POLQ: variants seen among roughly 807,000 people sequenced by gnomAD.
POLQ encodes DNA polymerase theta.
POLQ carries 233 observed loss-of-function variants against 259.2 expected under a neutral mutation model. That is an observed-to-expected ratio of 0.90 (90% CI 0.81 to 1.00). POLQ has a LOEUF of 1.00. Ranked by LOEUF, POLQ falls within the 50% of genes least tolerant of loss-of-function variation. POLQ has a pLI of 0.00. For synonymous variants in POLQ, 1,025 were observed against 1,048.8 expected (o/e 0.98, Z 0.44); for missense variants, 2,871 against 3,051.6 (o/e 0.94, Z 1.39).
Position 121,539,465 on chromosome 3 carries a change from C to T in POLQ, c.599G>A (p.Arg200His), listed in dbSNP as rs747882906. The T allele has an allele frequency of 6.8e-6, 11 of 1,610,182 alleles. No homozygotes were observed. The highest frequency in any genetic ancestry group is 1.6e-4 in the Middle Eastern group (1 of 6,074). Residue 200 changes from arginine (R) to histidine (H), a missense_variant, in exon 4 of 30, where the codon CGC becomes CAC. Arg to His is a conservative substitution (Grantham distance 29). Coordinates refer to ENST00000264233, the MANE Select transcript of POLQ (RefSeq NM_199420.4). ...TIERANGLIN[R>H]LIEENKMDLL... ...ATCCATCTTATTTTCCTCTATGAGG[C>T]GATTGATCAGACCATTGGCTCTCTC...
chr3:121,477,987 T>C (rs914371876), intron 19 of POLQ, among the ~76,000 whole-genome samples: 4 of 152,220 alleles, frequency 2.6e-5, no homozygotes, highest in Non-Finnish European at 5.9e-5. Flanking sequence ...AGAGAAATAA[T>C]GAACTTGGGT....
intron 7 of POLQ, among the ~76,000 whole-genome samples, chr3:121,523,163 G>A (rs186553813): frequency 5.3e-5 from 8 of 151,874 alleles, no homozygotes; most frequent in Non-Finnish European, 7.4e-5. Context: ...CCAGACACAC[G>A]AGCCACTATG....
intron 25 of POLQ, among the ~76,000 whole-genome samples, chr3:121,453,246 C>A (rs1359030970): frequency 3.3e-5 from 5 of 152,082 alleles, no homozygotes; most frequent in Non-Finnish European, 7.4e-5. Flanking sequence ...CTGTACATCA[C>A]CATCATCAAA....
rs767422808 is a variant in POLQ at position 121,488,672 on chromosome 3, G to T, written c.4259C>A (p.Pro1420Gln). The T allele has an allele frequency of 1.1e-5, 18 of 1,612,026 alleles. No individual in the cohort carries two copies. The Admixed American group carries it at 3.0e-4, about 27-fold the overall frequency. ...LTPESPIFHS[P>Q]ILLEENGLFL... ...AAGACCATTTTCCTCCAATAGTATTGGAGAATGGAAAATCGGGCTTTCTGG... is the reference window on the plus strand; with the variant it reads ...AAGACCATTTTCCTCCAATAGTATTTGAGAATGGAAAATCGGGCTTTCTGG... The change falls in exon 16 of 30, where the codon CCA (proline) becomes CAA (glutamine). Residue 1420 changes from proline (P) to glutamine (Q), a missense_variant. Physicochemically the swap from Pro to Gln is moderately conservative, Grantham distance 76. This residue lies in a region of POLQ where 2,080 missense variants were observed against 2,126.0 expected (regional missense o/e 0.98). Transcript: ENST00000264233.
chr3:121,511,463 C>T (rs1429657297), intron 10 of POLQ, among the ~76,000 whole-genome samples: 1 of 151,944 alleles, frequency 6.6e-6, no homozygotes, highest in Non-Finnish European at 1.5e-5. Context: ...CACAGCGAGA[C>T]TCCATCTCAA....
At chr3:121,524,394 C>T (rs1353022581) in intron 7 of POLQ, among the ~76,000 whole-genome samples, 2 of 152,086 alleles carry the variant, frequency 1.3e-5, no homozygotes, top group Admixed American at 6.6e-5. Flanking sequence ...TATTCTGTGA[C>T]TAGAACTGGT....
Position 121,489,691 on chromosome 3 carries a change from G to T in POLQ, c.3240C>A (p.Asp1080Glu), listed in dbSNP as rs772673470. 3.2e-5 allele frequency: 52 copies of T among 1,613,584 alleles called. No homozygotes were observed. The highest frequency in any genetic ancestry group is 4.3e-5 in the Non-Finnish European group (51 of 1,179,802). The change falls in exon 16 of 30, where the codon GAC (aspartate) becomes GAA (glutamate). Residue 1080 changes from aspartate (D) to glutamate (E), a missense_variant. Around this residue, in one of 3 missense-constraint regions of POLQ, gnomAD observed 2,080 missense variants for 2,126.0 expected, o/e 0.98. Transcript: ENST00000264233. ...QTLSNPSLCE[D>E]PFTLDEKKTE... ...TTTTCTTCTCATCTAAGGTAAACGG[G>T]TCTTCACAAAGACTAGGATTAGACA... is the stretch of plus-strand genomic sequence containing the variant.
rs929488330 is a variant in POLQ at position 121,468,484 on chromosome 3, G to A, written c.6719-53C>T. 4 of 1,296,544 alleles carry A rather than the reference G, an allele frequency of 3.1e-6. No homozygotes were observed. The African/African-American group carries it at 5.9e-5, about 19-fold the overall frequency. 80.3% of individuals were successfully genotyped at this position (1,296,544 alleles called of 1,614,324 possible). A position where few individuals can be genotyped will look rare whatever the true frequency, so the allele number is the denominator to read the frequency against. ...AATCAGGAAAAAAAATCTAGTATTT[G>A]TCTTAACAGTATTCACATTTCTGGA... On this transcript the variant is annotated intron_variant, in intron 22 of 29. Transcript: ENST00000264233.
In POLQ at chr3:121,487,814, T is replaced by A; in HGVS notation, c.5117A>T (p.Glu1706Val). Residue 1706 changes from glutamate to valine, a missense_variant, in exon 16 of 30, where the codon GAG (glutamate) becomes GTG (valine). By Grantham distance (121) the Glu-to-Val change is moderately radical. This residue lies in a region of POLQ where 2,080 missense variants were observed against 2,126.0 expected (regional missense o/e 0.98). Coordinates refer to ENST00000264233, the MANE Select transcript of POLQ (RefSeq NM_199420.4). ...ATGATTGGCATTGTTTTCTAGCATCTCAATCTTGCTTTTTACTTCATTATT... is the reference window on the plus strand; with the variant it reads ...ATGATTGGCATTGTTTTCTAGCATCACAATCTTGCTTTTTACTTCATTATT... ...SSNNEVKSKIEMLENNANHDE... is the reference protein window; with the variant it reads ...SSNNEVKSKIVMLENNANHDE... 6.2e-7 allele frequency: 1 copy of A among 1,609,492 alleles called. No individual in the cohort carries two copies. Among genetic ancestry groups the A allele is most frequent in the Non-Finnish European group, 8.5e-7 (1 of 1,178,600 alleles).
At chr3:121,494,644 C>A in intron 14 of POLQ, 1 of 1,516,640 alleles carries the variant, frequency 6.6e-7, no homozygotes, top group Non-Finnish European at 9.0e-7. Context: ...AAATGGGGGT[C>A]CCTTACTGCA....
chr3:121,524,052 G>A (rs959345071), intron 7 of POLQ, among the ~76,000 whole-genome samples: 1 of 152,268 alleles, frequency 6.6e-6, no homozygotes, highest in Admixed American at 6.5e-5. Flanking sequence ...TTACTTTTCT[G>A]ATAAAAATCT....
chr3:121,509,831 G>T, intron 11 of POLQ, 128 bp from the exon 12 acceptor site: 1 of 967,716 alleles, frequency 1.0e-6, no homozygotes, highest in Non-Finnish European at 1.5e-6. Context: ...ACCTTATCCA[G>T]AGCATGAAAA....
intron 7 of POLQ, 97 bp downstream of exon 7, chr3:121,529,548 G>C: frequency 8.6e-7 from 1 of 1,162,212 alleles, no homozygotes; most frequent in Non-Finnish European, 1.3e-6. Context: ...CAGTGACAAT[G>C]ATGAACAAAA....
Position 121,490,499 on chromosome 3 carries a change from A to G in POLQ, c.2523-91T>C, listed in dbSNP as rs186108737. 2.5e-3 allele frequency: 2,577 copies of G among 1,026,692 alleles called. 9 individuals are homozygous for G. Among genetic ancestry groups the G allele is most frequent in the South Asian group, 7.3e-3 (484 of 65,938 alleles). 63.6% of individuals were successfully genotyped at this position (1,026,692 alleles called of 1,614,324 possible). A position where few individuals can be genotyped will look rare whatever the true frequency, so the allele number is the denominator to read the frequency against. On this transcript the variant is annotated intron_variant, in intron 15 of 29. Transcript: ENST00000264233. Reference sequence around the variant, plus strand: ...CATGCAATCTGAGCTGTTACCAGGAACTGAAAAAATAACAATGAAGAAGAG... The same window carrying G: ...CATGCAATCTGAGCTGTTACCAGGAGCTGAAAAAATAACAATGAAGAAGAG...
rs1340735610 is a variant in POLQ, at chr3:121,488,080, T to C, written c.4851A>G (p.Lys1617=). ...DGGDQDERAE[K]SKLTGTRQNH... ...TTTGCCTGGTCCCAGTTAATTTTGA[T>C]TTTTCAGCCCTTTCATCTTGATCTC... Residue 1617 remains lysine (K), a synonymous_variant, in exon 16 of 30, where the codon AAA becomes AAG. Coordinates refer to ENST00000264233, the MANE Select transcript of POLQ (RefSeq NM_199420.4). 6.2e-7 allele frequency: 1 copy of C among 1,614,016 alleles called. No homozygotes were observed. The highest frequency in any genetic ancestry group is 1.7e-5 in the Admixed American group (1 of 59,998).
intron 26 of POLQ, among the ~76,000 whole-genome samples, chr3:121,443,449 G>T (rs1446585272): frequency 6.6e-6 from 1 of 151,742 alleles, no homozygotes; most frequent in African/African-American, 2.4e-5. Flanking sequence ...TTTAAAATCA[G>T]ATTTTTTTTC....
chr3:121,462,302 A>T (rs1016612218), intron 24 of POLQ, among the ~76,000 whole-genome samples: 6 of 152,206 alleles, frequency 3.9e-5, no homozygotes, highest in Non-Finnish European at 5.9e-5. Context: ...ACAACAAGCC[A>T]TGCAGAACTA....
At chr3:121,501,315 C>T (rs1395166104) in intron 12 of POLQ, among the ~76,000 whole-genome samples, 12 of 151,322 alleles carry the variant, frequency 7.9e-5, no homozygotes, top group Admixed American at 7.9e-4. Context: ...AAATAACAAA[C>T]ATTTCCAGAT....
chr3:121,438,164 A>T (rs1321968278), intron 27 of POLQ, among the ~76,000 whole-genome samples: 2 of 152,182 alleles, frequency 1.3e-5, no homozygotes, highest in African/African-American at 2.4e-5. Context: ...GCAAAAACCA[A>T]AACAAAAACC....
Sources: gnomAD v4.1 joint callset for allele counts (sites outside exome capture counted in the v4.1 genomes callset) on GRCh38, gnomAD v4.1.1 for gene constraint, gnomAD v4.1.1 regional missense constraint, MANE v1.5 for transcripts, NCBI Gene and HGNC (gene_info 2026-07-23, HGNC 2026-07-21) for gene names.